The following TG variants were observed in gnomAD, a reference collection of about 807,000 sequenced individuals.
The protein encoded by TG is thyroid hormones.
In TG, 270 loss-of-function variants were observed where a neutral mutation model predicts 324.7. The observed-to-expected ratio is 0.83, with a 90% CI of 0.75 to 0.92. The LOEUF is 0.92. Among genes scored for constraint, TG ranks in the 40% least tolerant of loss-of-function variants. TG has a pLI of 0.00. For synonymous variants in TG, 1,401 were observed against 1,327.0 expected (o/e 1.06, Z -1.21); for missense variants, 3,591 against 3,456.4 (o/e 1.04, Z -0.98).
At position 132,901,576 on chromosome 8, in the gene TG, G is replaced by A. The variant is rs750818621; in HGVS notation, c.3634+23G>A. The stretch of plus-strand genomic sequence containing the variant: ...AGAGTAAGTCATGACCCCCTGGGGG[G>A]ACGACGAGGCCTGCATATCTGTTCT... On this transcript the variant is annotated intron_variant, in intron 16 of 47. Coordinates refer to ENST00000220616, the MANE Select transcript of TG (RefSeq NM_003235.5). 6.2e-6 allele frequency: 10 copies of A among 1,606,336 alleles called. No homozygotes were observed. In the East Asian group the frequency reaches 1.8e-4, roughly 29 times the overall value.
At chr8:132,962,243 C>T (rs1330791683) in intron 28 of TG, among the ~76,000 whole-genome samples, 2 of 151,996 alleles carry the variant, frequency 1.3e-5, no homozygotes, top group African/African-American at 4.8e-5. Flanking sequence ...TACTTCTTTT[C>T]TCATTTAATT....
At chr8:132,978,292 GA>G (rs1173125372) in intron 34 of TG, among the ~76,000 whole-genome samples, 1 of 152,138 alleles carries the variant, frequency 6.6e-6, no homozygotes, top group Non-Finnish European at 1.5e-5. Context: ...TGAACTCATA[GA>G]GCGAGAATTC....
chr8:133,116,708 C>T lies in TG; in HGVS notation c.7854C>T (p.Gly2618=), dbSNP rs1850723698. Residue 2618 remains glycine (G), a synonymous_variant, in exon 45 of 48, where the codon GGC becomes GGT. Coordinates refer to ENST00000220616, the MANE Select transcript of TG (RefSeq NM_003235.5). ...TGTACCATGCTCCTGAAAACTACGG[C>T]CATGGCAGGTAAGACGCTGCAGGGA... ...VFMYHAPENY[G]HGSLELLADV... The T allele has an allele frequency of 6.2e-7, 1 of 1,614,102 alleles. No individual in the cohort carries two copies. The highest frequency in any genetic ancestry group is 8.5e-7 in the Non-Finnish European group (1 of 1,179,926).
intron 35 of TG, among the ~76,000 whole-genome samples, chr8:132,990,725 A>G (rs1203380480): frequency 6.6e-6 from 1 of 152,146 alleles, no homozygotes; most frequent in African/African-American, 2.4e-5. Context: ...GGTGTGCACA[A>G]CTGTGTCCAT....
chr8:133,033,724 C>T (rs1466989592), intron 41 of TG, among the ~76,000 whole-genome samples: 3 of 152,184 alleles, frequency 2.0e-5, no homozygotes, highest in Non-Finnish European at 2.9e-5. Context: ...TCCTGCTGTC[C>T]TTCAGGGCTC....
intron 26 of TG, among the ~76,000 whole-genome samples, chr8:132,942,540 T>C (rs1249718160): frequency 6.6e-6 from 1 of 152,240 alleles, no homozygotes; most frequent in Non-Finnish European, 1.5e-5. Flanking sequence ...TCACCATATA[T>C]GTGCAATGGA....
At chr8:132,997,423 G>A (rs1832987002) in intron 35 of TG, among the ~76,000 whole-genome samples, 1 of 152,174 alleles carries the variant, frequency 6.6e-6, no homozygotes, top group African/African-American at 2.4e-5. Context: ...TAGCATGTCA[G>A]TGGTATTTGA....
chr8:133,116,724 G>A lies in TG; in HGVS notation c.7862+8G>A, dbSNP rs558493271. 3.4e-5 allele frequency: 55 copies of A among 1,611,500 alleles called. No individual in the cohort carries two copies. In the South Asian group the frequency reaches 3.8e-4, roughly 11 times the overall value. Reference sequence around the variant, plus strand: ...AAACTACGGCCATGGCAGGTAAGACGCTGCAGGGAAGCAGAGAAAGGAAGG... The same window carrying A: ...AAACTACGGCCATGGCAGGTAAGACACTGCAGGGAAGCAGAGAAAGGAAGG... On this transcript the variant is annotated splice_region_variant and intron_variant, in intron 45 of 47. Transcript: ENST00000220616.
At chr8:132,974,863 C>T (rs1449385800) in intron 34 of TG, among the ~76,000 whole-genome samples, 2 of 152,148 alleles carry the variant, frequency 1.3e-5, no homozygotes, top group Non-Finnish European at 2.9e-5. Context: ...GTGTGTGCCT[C>T]AACTTCATGG....
Position 132,928,205 on chromosome 8 carries a change from C to G in TG, c.4700-871C>G, listed in dbSNP as rs528507912. ...ATTTATTGACTTGATGAAAACCCAT[C>G]TAGATATAAGTCTTTTTTAATAAAG... On this transcript the variant is annotated intron_variant, in intron 22 of 47. Transcript: ENST00000220616. Among the ~76,000 whole-genome samples, 4 of 152,276 alleles carry G rather than the reference C, an allele frequency of 2.6e-5. No individual in the cohort carries two copies. The South Asian group carries it at 6.2e-4, about 24-fold the overall frequency.
Position 133,011,898 on chromosome 8 carries a change from T to C in TG, c.6263-3T>C. The C allele has an allele frequency of 6.2e-7, 1 of 1,614,214 alleles. No homozygotes were observed. Among genetic ancestry groups the C allele is most frequent in the Non-Finnish European group, 8.5e-7 (1 of 1,180,040 alleles). On this transcript the variant is annotated splice_region_variant and splice_polypyrimidine_tract_variant and intron_variant, in intron 35 of 47. Transcript: ENST00000220616. ...TGTGACTGTCCGTTGCCTTCTCTCCTAGTGTCTCTGGACTCGTGGCAGTCC... is the reference window on the plus strand; with the variant it reads ...TGTGACTGTCCGTTGCCTTCTCTCCCAGTGTCTCTGGACTCGTGGCAGTCC...
Position 133,116,683 on chromosome 8 carries a change from T to A in TG, c.7829T>A (p.Met2610Lys), listed in dbSNP as rs763886811. 3 of 1,614,262 alleles carry A rather than the reference T, an allele frequency of 1.9e-6. No individual in the cohort carries two copies. Among genetic ancestry groups the A allele is most frequent in the Non-Finnish European group, 1.7e-6 (2 of 1,180,046 alleles). The change falls in exon 45 of 48, where the codon ATG becomes AAG. Residue 2610 changes from methionine to lysine, a missense_variant. Transcript: ENST00000220616. ...WAKRARGNVF[M>K]YHAPENYGHG... ...AAGAGGGCCCGAGGAAACGTCTTCA[T>A]GTACCATGCTCCTGAAAACTACGGC... is the stretch of plus-strand genomic sequence containing the variant.
chr8:133,075,205 A>G (rs4301434), intron 41 of TG: 379,198 of 833,836 alleles, frequency 0.45, 87,177 homozygotes, highest in Non-Finnish European at 0.46. Context: ...TGGATTCTGG[A>G]ATTTCAGAAG....
intron 5 of TG, among the ~76,000 whole-genome samples, chr8:132,878,298 G>A (rs16904766): frequency 0.03 from 4,601 of 152,112 alleles, 168 homozygotes; most frequent in East Asian, 0.086. Flanking sequence ...AAGGACCAGT[G>A]GTTTCCAAAG....
At chr8:133,095,394 A>G (rs1403343049) in intron 42 of TG, among the ~76,000 whole-genome samples, 186 bp downstream of exon 42, 1 of 152,132 alleles carries the variant, frequency 6.6e-6, no homozygotes, top group East Asian at 1.9e-4. Context: ...GCAACAGTCC[A>G]AACATGGGCA....
chr8:133,015,195 A>G (rs929180126), intron 37 of TG, among the ~76,000 whole-genome samples: 1 of 152,206 alleles, frequency 6.6e-6, no homozygotes, highest in Non-Finnish European at 1.5e-5. Context: ...TCTGTGTGGT[A>G]GTTCTGCTGA....
intron 5 of TG, among the ~76,000 whole-genome samples, chr8:132,874,985 T>G (rs911488247): frequency 6.6e-6 from 1 of 152,200 alleles, no homozygotes; most frequent in African/African-American, 2.4e-5. Flanking sequence ...CATTTGCCTT[T>G]GGGACCTGCC....
chr8:132,961,243 T>A (rs1366178631), intron 28 of TG, among the ~76,000 whole-genome samples, 170 bp downstream of exon 28: 1 of 152,144 alleles, frequency 6.6e-6, no homozygotes, highest in Non-Finnish European at 1.5e-5. Flanking sequence ...TCAGATAAGA[T>A]GCCAAAGTCT....
At chr8:132,968,117 A>G in intron 31 of TG, 147 bp downstream of exon 31, 1 of 982,252 alleles carries the variant, frequency 1.0e-6, no homozygotes, top group Non-Finnish European at 1.5e-6. Context: ...ATGGATCCAA[A>G]CTTTCACGGT....
Sources: allele counts gnomAD v4.1 joint callset (sites outside exome capture counted in the v4.1 genomes callset), GRCh38; gene constraint gnomAD v4.1.1; transcripts MANE v1.5; gene names NCBI Gene and HGNC (gene_info 2026-07-23, HGNC 2026-07-21).